Variants in TFDP2 observed in about 807,000 individuals in gnomAD.
The protein encoded by TFDP2 is transcription factor Dp-2 (E2F dimerization partner 2).
Under a neutral mutation model 59.3 loss-of-function variants are expected in TFDP2, and 17 were observed. That is an observed-to-expected ratio of 0.29 (90% CI 0.20 to 0.43). TFDP2 has a LOEUF of 0.43. Among genes scored for constraint, TFDP2 ranks in the 20% least tolerant of loss-of-function variants. TFDP2 has a pLI of 1.00. For synonymous variants in TFDP2, 180 were observed against 194.7 expected, an observed-to-expected ratio of 0.92 and a Z score of 0.63; for missense variants, 391 against 528.8, an observed-to-expected ratio of 0.74 and a Z score of 2.56.
At position 142,077,669 on chromosome 3, in the gene TFDP2, G is replaced by A. The variant is rs2060506884; in HGVS notation, c.82+15392C>T. Among the ~76,000 whole-genome samples, 4 of 152,072 alleles carry A rather than the reference G, an allele frequency of 2.6e-5. No individual in the cohort carries two copies. The South Asian group carries it at 8.3e-4, about 32-fold the overall frequency. ...AGAGCTCTTGGGCCCTGAATAATCAGTAGCAGTAGACAGGCAATACACTTC... is the reference window on the plus strand; with the variant it reads ...AGAGCTCTTGGGCCCTGAATAATCAATAGCAGTAGACAGGCAATACACTTC... On this transcript the variant is annotated intron_variant, in intron 3 of 12. Coordinates refer to ENST00000489671, the MANE Select transcript of TFDP2 (RefSeq NM_001178139.2).
chr3:142,037,649 T>G (rs977234206), intron 3 of TFDP2, among the ~76,000 whole-genome samples: 16 of 152,184 alleles, frequency 1.1e-4, no homozygotes, highest in African/African-American at 3.9e-4. Context: ...GAAAAGTAAT[T>G]TACTAGTTGT....
chr3:141,974,021 T>C, intron 8 of TFDP2, 27 bp downstream of exon 8: 1 of 1,599,610 alleles, frequency 6.3e-7, no homozygotes, highest in Non-Finnish European at 8.5e-7. Context: ...TGCAAACAGC[T>C]ATTCATAAAC....
intron 10 of TFDP2, among the ~76,000 whole-genome samples, chr3:141,960,983 T>C (rs1168700891): frequency 2.0e-5 from 3 of 152,198 alleles, no homozygotes; most frequent in African/African-American, 7.2e-5. Flanking sequence ...GGAAAGGGCA[T>C]GAGTCAGGGA....
chr3:142,045,023 A>G (rs2108465929), intron 3 of TFDP2, among the ~76,000 whole-genome samples: 1 of 152,302 alleles, frequency 6.6e-6, no homozygotes, highest in Non-Finnish European at 1.5e-5. Flanking sequence ...TTTCAGATTC[A>G]TTAAACAAAC....
intron 1 of TFDP2, among the ~76,000 whole-genome samples, chr3:142,139,590 T>C (rs535484807): frequency 6.6e-6 from 1 of 152,338 alleles, no homozygotes; most frequent in South Asian, 2.1e-4. Flanking sequence ...AGCATTTGTC[T>C]GTCTATAAAG....
intron 3 of TFDP2, among the ~76,000 whole-genome samples, chr3:142,086,334 G>A (rs915311122): frequency 4.6e-5 from 7 of 152,080 alleles, no homozygotes; most frequent in Non-Finnish European, 8.8e-5. Flanking sequence ...CTGGTTAAGG[G>A]CTCAGAGCCA....
intron 9 of TFDP2, among the ~76,000 whole-genome samples, chr3:141,967,226 T>C (rs965728636): frequency 6.6e-6 from 1 of 151,874 alleles, no homozygotes; most frequent in Non-Finnish European, 1.5e-5. Context: ...CTTAATTTAC[T>C]TTCTATGACA....
intron 9 of TFDP2, among the ~76,000 whole-genome samples, chr3:141,969,148 A>G (rs1939178772): frequency 1.1e-5 from 1 of 91,706 alleles, no homozygotes; most frequent in Non-Finnish European, 1.9e-5. Flanking sequence ...TCCCATATAT[A>G]TGAGATATAT....
chr3:141,959,492 T>C (rs1472819204), intron 11 of TFDP2, among the ~76,000 whole-genome samples, 182 bp downstream of exon 11: 1 of 152,208 alleles, frequency 6.6e-6, no homozygotes, highest in Non-Finnish European at 1.5e-5. Context: ...AAGTTCATAA[T>C]GTTATGAAAC....
chr3:141,961,237 GTTTTTTTTTT>G (rs1177754086), intron 10 of TFDP2, among the ~76,000 whole-genome samples: 6 of 84,676 alleles, frequency 7.1e-5, no homozygotes, highest in African/African-American at 9.6e-5. Context: ...GTTTTTTGTT[GTTTTTTTTTT>G]TTTTTTTTTT....
At chr3:141,958,797 C>A (rs1246352425) in intron 11 of TFDP2, among the ~76,000 whole-genome samples, 1 of 152,130 alleles carries the variant, frequency 6.6e-6, no homozygotes, top group Non-Finnish European at 1.5e-5. Context: ...AAATGTGAAT[C>A]CAGGTTTACC....
intron 3 of TFDP2, among the ~76,000 whole-genome samples, chr3:142,038,288 G>C (rs1946783286): frequency 6.7e-6 from 1 of 150,340 alleles, no homozygotes; most frequent in South Asian, 2.1e-4. Context: ...GGAGGCTGAG[G>C]CAAGAGAATG....
intron 1 of TFDP2, among the ~76,000 whole-genome samples, chr3:142,142,117 A>T (rs1240949938): frequency 6.6e-6 from 1 of 152,208 alleles, no homozygotes; most frequent in Non-Finnish European, 1.5e-5. Context: ...GACAACAGAA[A>T]GATATAAAGG....
At chr3:142,065,401 C>T (rs1353061043) in intron 3 of TFDP2, among the ~76,000 whole-genome samples, 1 of 151,996 alleles carries the variant, frequency 6.6e-6, no homozygotes, top group Non-Finnish European at 1.5e-5. Context: ...AGTGATCTAC[C>T]CTCCTCGGCC....
intron 1 of TFDP2, among the ~76,000 whole-genome samples, chr3:142,112,114 AAGTAGAGAGCTAC>A (rs1213956881): frequency 2.0e-5 from 3 of 152,176 alleles, no homozygotes; most frequent in Non-Finnish European, 4.4e-5. Context: ...GAATGATTTT[AAGTAGAGAGCTAC>A]AGCATCTGAA....
intron 5 of TFDP2, chr3:141,994,543 G>T (rs1257934300): frequency 1.3e-5 from 2 of 152,100 alleles, no homozygotes; most frequent in Non-Finnish European, 2.9e-5. Context: ...TAACAGAAGG[G>T]ATATTGATTC....
At chr3:141,971,374 TA>T (rs56219575) in intron 8 of TFDP2, among the ~76,000 whole-genome samples, 11,160 of 79,974 alleles carry the variant, frequency 0.14, 1,006 homozygotes, top group African/African-American at 0.33. Flanking sequence ...TCGTCTCTAC[TA>T]AAAAAAAAAA....
chr3:141,999,758 C>T (rs1378157505), intron 4 of TFDP2, among the ~76,000 whole-genome samples: 9 of 145,474 alleles, frequency 6.2e-5, no homozygotes, highest in Non-Finnish European at 9.0e-5. Context: ...TTTTTTGAGA[C>T]GGAGTCTGGC....
chr3:142,016,102 C>G (rs921024650), intron 3 of TFDP2, among the ~76,000 whole-genome samples: 2 of 152,072 alleles, frequency 1.3e-5, no homozygotes, highest in Non-Finnish European at 2.9e-5. Context: ...ACCTCCATCT[C>G]CTGGGTTCGA....
Sources: allele counts gnomAD v4.1 joint callset (sites outside exome capture counted in the v4.1 genomes callset), GRCh38; gene constraint gnomAD v4.1.1; transcripts MANE v1.5; gene names NCBI Gene and HGNC (gene_info 2026-07-23, HGNC 2026-07-21).